Variants in PUDP observed in about 807,000 individuals in gnomAD.
PUDP encodes pseudouridine-5'-phosphatase.
PUDP carries 8 observed loss-of-function variants against 9.4 expected under a neutral mutation model. That is an observed-to-expected ratio of 0.85 (90% confidence interval 0.50 to 1.53). PUDP has a LOEUF of 1.53. Ranked by LOEUF, PUDP falls within the 40% of genes most tolerant of loss-of-function variation. The pLI is 0.00. For synonymous variants in PUDP, 99 were observed against 80.7 expected, an observed-to-expected ratio of 1.23 and a Z score of -1.22; for missense variants, 188 against 189.7, an observed-to-expected ratio of 0.99 and a Z score of 0.05.
intron 3 of PUDP, among the ~76,000 whole-genome samples, chrX:6,886,830 C>T (rs1195299555): frequency 1.8e-5 from 2 of 110,027 alleles, no homozygotes; most frequent in African/African-American, 3.3e-5. Context: ...ATGGAGTGCA[C>T]GTGTTTTAAG....
At chrX:7,119,769 A>T (rs1219484096) in intron 1 of PUDP, among the ~76,000 whole-genome samples, 2 of 112,184 alleles carry the variant, frequency 1.8e-5, no homozygotes, top group Non-Finnish European at 3.8e-5. Context: ...AATCACTTAA[A>T]AAATGAACTG....
At chrX:7,020,341 G>GCA (rs377402266) in intron 1 of PUDP, among the ~76,000 whole-genome samples, 1 of 105,040 alleles carries the variant, frequency 9.5e-6, no homozygotes, top group East Asian at 3.1e-4. Flanking sequence ...CAGGTTGGCT[G>GCA]TAGTAATTAC....
intron 1 of PUDP, among the ~76,000 whole-genome samples, chrX:7,023,387 C>T (rs1282834554): frequency 1.8e-5 from 2 of 112,101 alleles, no homozygotes; most frequent in African/African-American, 6.5e-5. Context: ...CAGACACTGA[C>T]TCGGAATGGA....
chrX:6,710,250 G>A (rs1476973762), intron 1 of PUDP, among the ~76,000 whole-genome samples: 9 of 112,163 alleles, frequency 8.0e-5, no homozygotes. Flanking sequence ...TGATATAATC[G>A]TCCATATCAT....
chrX:6,772,147 A>T (rs1925374123), intron 3 of PUDP, among the ~76,000 whole-genome samples: 1 of 112,396 alleles, frequency 8.9e-6, no homozygotes, highest in South Asian at 3.7e-4. Context: ...CTCCTCTTGC[A>T]TTCATTTGCT....
At chrX:6,950,406 C>CTTTT (rs768745445) in intron 3 of PUDP, among the ~76,000 whole-genome samples, 46 of 68,611 alleles carry the variant, frequency 6.7e-4, no homozygotes, top group African/African-American at 1.2e-3. Flanking sequence ...TTAGTCATTT[C>CTTTT]TTTTTTTTTT....
At chrX:6,913,285 A>G (rs1420744693) in intron 3 of PUDP, among the ~76,000 whole-genome samples, 2 of 112,145 alleles carry the variant, frequency 1.8e-5, no homozygotes, top group Non-Finnish European at 1.9e-5. Context: ...TGGATTGAAG[A>G]AATTAGCATC....
intron 1 of PUDP, among the ~76,000 whole-genome samples, chrX:7,009,446 G>A (rs907727796): frequency 5.4e-5 from 6 of 112,136 alleles, no homozygotes; most frequent in African/African-American, 1.6e-4. Flanking sequence ...GAGGTACAAC[G>A]AAGGTGGTGT....
At chrX:6,939,310 CT>C (rs1018082652) in intron 3 of PUDP, among the ~76,000 whole-genome samples, 1 of 106,214 alleles carries the variant, frequency 9.4e-6, no homozygotes, top group African/African-American at 3.4e-5. Flanking sequence ...TATTATTCAT[CT>C]ATTTAATAAT....
chrX:6,778,114 AGAAGGGG>A (rs1925496550), intron 3 of PUDP, among the ~76,000 whole-genome samples: 2 of 112,069 alleles, frequency 1.8e-5, no homozygotes. Flanking sequence ...AGGGAAAATG[AGAAGGGG>A]GCTGTGGAAA....
intron 3 of PUDP, among the ~76,000 whole-genome samples, chrX:6,871,194 T>C (rs1319534965): frequency 9.0e-6 from 1 of 111,359 alleles, no homozygotes; most frequent in Non-Finnish European, 1.9e-5. Flanking sequence ...CCACAACTCC[T>C]CATGGAATCA....
At chrX:6,836,930 C>G (rs1466762424) in intron 3 of PUDP, among the ~76,000 whole-genome samples, 1 of 111,915 alleles carries the variant, frequency 8.9e-6, no homozygotes, top group African/African-American at 3.2e-5. Flanking sequence ...TCTGTCCATG[C>G]CATTTGTGAT....
chrX:6,942,434 T>C (rs1928412632), intron 3 of PUDP, among the ~76,000 whole-genome samples: 2 of 111,747 alleles, frequency 1.8e-5, no homozygotes. Context: ...TTACGTAATC[T>C]GAGACCTATC....
In PUDP at chrX:7,137,241, CA is replaced by C. The variant is rs1224350168; in HGVS notation, c.61+10811del. 4.0e-3 allele frequency among the ~76,000 whole-genome samples: 349 copies of C among 86,196 alleles called. 8 individuals carry two copies. In the East Asian group the frequency reaches 0.082, roughly 20 times the overall value. 74.9% of individuals were successfully genotyped at this position (86,196 alleles called of 115,157 possible). ...GGGTGACAAGAGCGAGACTCCATCTCAAAAAAAAAAAATAAAACTAAGGCCG... is the reference window on the plus strand; with the variant it reads ...GGGTGACAAGAGCGAGACTCCATCTCAAAAAAAAAAATAAAACTAAGGCCG... On this transcript the variant is annotated intron_variant, in intron 1 of 3. Transcript: ENST00000381077.
intron 3 of PUDP, among the ~76,000 whole-genome samples, chrX:6,757,885 G>A: frequency 8.9e-6 from 1 of 112,341 alleles, no homozygotes; most frequent in East Asian, 2.8e-4. Context: ...CTGTGTACTA[G>A]CATTCAACTC....
At chrX:7,147,817 G>A (rs1317689062) in intron 1 of PUDP, 3 of 127,628 alleles carry the variant, frequency 2.4e-5, no homozygotes, top group Admixed American at 9.1e-5. Flanking sequence ...AGCGGGTGCT[G>A]GGGCCGCGTA....
chrX:6,819,729 T>C (rs998669670), intron 3 of PUDP, among the ~76,000 whole-genome samples: 1 of 111,980 alleles, frequency 8.9e-6, no homozygotes, highest in Non-Finnish European at 1.9e-5. Flanking sequence ...TGTAAAAGAA[T>C]TTTCCTTTTG....
At chrX:6,794,121 C>T (rs778456976) in intron 3 of PUDP, among the ~76,000 whole-genome samples, 1 of 112,038 alleles carries the variant, frequency 8.9e-6, no homozygotes, top group Admixed American at 9.5e-5. Flanking sequence ...TATGTATATT[C>T]ATATAGGATT....
At chrX:7,082,554 C>G (rs756926456) in intron 2 of PUDP, among the ~76,000 whole-genome samples, 1 of 112,291 alleles carries the variant, frequency 8.9e-6, no homozygotes, top group African/African-American at 3.2e-5. Context: ...GAACCATGTC[C>G]TGGGCCTCAG....
Sources: gnomAD v4.1 joint callset for allele counts (sites outside exome capture counted in the v4.1 genomes callset) on GRCh38, gnomAD v4.1.1 for gene constraint, MANE v1.5 for transcripts, NCBI Gene and HGNC (gene_info 2026-07-23, HGNC 2026-07-21) for gene names.